LOXL2: variants seen among roughly 807,000 people sequenced by gnomAD.
LOXL2 encodes the protein lysyl oxidase like 2.
Under a neutral mutation model 93.0 loss-of-function variants are expected in LOXL2, and 70 were observed. That is an observed-to-expected ratio of 0.75 (90% CI 0.62 to 0.92). LOXL2 has a LOEUF of 0.92. LOXL2 is among the 40% of genes least tolerant of loss of function. LOXL2 has a pLI of 0.00. For missense variants in LOXL2, 973 were observed against 1,054.9 expected (o/e 0.92, Z 1.08); for synonymous variants, 438 against 413.2 (o/e 1.06, Z -0.73).
chr8:23,341,925 C>T (rs1231213112), intron 3 of LOXL2, among the ~76,000 whole-genome samples: 2 of 152,172 alleles, frequency 1.3e-5, no homozygotes, highest in African/African-American at 2.4e-5. Flanking sequence ...GGAAAGGAGA[C>T]ACAGCAAGGA....
At chr8:23,385,411 T>G (rs949607288) in intron 1 of LOXL2, among the ~76,000 whole-genome samples, 3 of 81,940 alleles carry the variant, frequency 3.7e-5, no homozygotes, top group Non-Finnish European at 7.2e-5. Flanking sequence ...CACACCCAGC[T>G]AATTTTTTTT....
At position 23,383,906 on chromosome 8, in the gene LOXL2, C is replaced by T. The variant is rs867782106; in HGVS notation, c.-83-15472G>A. ...CGATCTGCTGACCTCGTGATCCACC[C>T]GCCTCGGCCTCCCAAAGTGCTGGGA... On this transcript the variant is annotated intron_variant, in intron 1 of 13. Transcript: ENST00000389131. Among the ~76,000 whole-genome samples the T allele has an allele frequency of 1.4e-4, 21 of 152,080 alleles. No individual in the cohort carries two copies. The South Asian group carries it at 1.5e-3, about 11-fold the overall frequency.
intron 7 of LOXL2, 143 bp downstream of exon 7, chr8:23,321,987 T>C: frequency 1.1e-6 from 1 of 945,896 alleles, no homozygotes; most frequent in African/African-American, 1.6e-5. Context: ...GAGGGGGAAC[T>C]AAACATTGCA....
At chr8:23,377,457 C>T (rs13270783) in intron 1 of LOXL2, among the ~76,000 whole-genome samples, 23,098 of 114,190 alleles carry the variant, frequency 0.2, 2,643 homozygotes, top group East Asian at 0.34. Flanking sequence ...CTATTAGGTC[C>T]GCTTGGTGCA....
chr8:23,316,935 G>A lies in LOXL2; in HGVS notation c.1636+14C>T, dbSNP rs199878615. 92 of 1,573,982 alleles carry A rather than the reference G, an allele frequency of 5.8e-5. No individual in the cohort carries two copies. The Middle Eastern group carries it at 6.8e-4, about 12-fold the overall frequency. On this transcript the variant is annotated intron_variant, in intron 9 of 13. Coordinates refer to ENST00000389131, the MANE Select transcript of LOXL2 (RefSeq NM_002318.3). Reference sequence around the variant, plus strand: ...CTTGGGAGCCCGGTGGGGAGGGAGGGGAGGAGCTCTCACTTTCTGAGCAGG... The same window carrying A: ...CTTGGGAGCCCGGTGGGGAGGGAGGAGAGGAGCTCTCACTTTCTGAGCAGG...
At chr8:23,397,679 G>A (rs1800109184) in intron 1 of LOXL2, among the ~76,000 whole-genome samples, 1 of 151,670 alleles carries the variant, frequency 6.6e-6, no homozygotes, top group South Asian at 2.1e-4. Flanking sequence ...TCAGGAGGCT[G>A]AGGCAGGAGA....
chr8:23,297,371 C>A lies in LOXL2; in HGVS notation c.*672G>T, dbSNP rs1204093765. On this transcript the variant is annotated 3_prime_UTR_variant, in exon 14 of 14. Transcript: ENST00000389131. ...TTGGTTTTTCCTTAGATTTGTACTTCCAAGGGCCCAGATGTCCAATATTAA... is the reference window on the plus strand; with the variant it reads ...TTGGTTTTTCCTTAGATTTGTACTTACAAGGGCCCAGATGTCCAATATTAA... The A allele has an allele frequency of 6.6e-6, 1 of 152,182 alleles. No individual in the cohort carries two copies. Among genetic ancestry groups the A allele is most frequent in the Non-Finnish European group, 1.5e-5 (1 of 68,056 alleles). 9.4% of individuals were successfully genotyped at this position (152,182 alleles called of 1,614,324 possible). A position where few individuals can be genotyped will look rare whatever the true frequency, so the allele number is the denominator to read the frequency against.
At chr8:23,368,487 A>C (rs1804449180) in intron 1 of LOXL2, 53 bp from the exon 2 acceptor site, 2 of 704,266 alleles carry the variant, frequency 2.8e-6, no homozygotes, top group East Asian at 5.4e-5. Flanking sequence ...ACGGAGACCT[A>C]CATAGAGAAC....
At chr8:23,367,541 T>A (rs1315445273) in intron 2 of LOXL2, among the ~76,000 whole-genome samples, 1 of 151,842 alleles carries the variant, frequency 6.6e-6, no homozygotes, top group Non-Finnish European at 1.5e-5. Flanking sequence ...AGCTCCAGCA[T>A]GTGGGAGCCA....
At chr8:23,321,943 G>A (rs1410864310) in intron 7 of LOXL2, 187 bp downstream of exon 7, 1 of 621,492 alleles carries the variant, frequency 1.6e-6, no homozygotes, top group East Asian at 2.8e-5. Flanking sequence ...AGGGGCTTGG[G>A]CCTGCTGCCG....
intron 7 of LOXL2, among the ~76,000 whole-genome samples, chr8:23,321,324 G>A (rs1387665525): frequency 6.8e-6 from 1 of 147,072 alleles, no homozygotes; most frequent in African/African-American, 2.5e-5. Context: ...AGAGAGAAGG[G>A]TTTGACTGTT....
chr8:23,368,324 A>C lies in LOXL2; in HGVS notation c.28T>G (p.Cys10Gly). 1 of 1,612,696 alleles carries C rather than the reference A, an allele frequency of 6.2e-7. No individual in the cohort carries two copies. The highest frequency in any genetic ancestry group is 1.7e-5 in the Admixed American group (1 of 60,030). The change falls in exon 2 of 14, where the codon TGC becomes GGC. Residue 10 changes from cysteine to glycine, a missense_variant. Physicochemically the swap from Cys to Gly is radical, Grantham distance 159 (BLOSUM62 -3). Coordinates refer to ENST00000389131, the MANE Select transcript of LOXL2 (RefSeq NM_002318.3). The part of the protein sequence containing the change: MERPLCSHL[C>G]SCLAMLALLS... ...AGGGCCAGCATAGCCAGGCAGCTGC[A>C]GAGGTGGGAGCACAGAGGCCTCTCC...
At chr8:23,386,697 C>G (rs766518914) in intron 1 of LOXL2, among the ~76,000 whole-genome samples, 1 of 114,202 alleles carries the variant, frequency 8.8e-6, no homozygotes, top group Non-Finnish European at 2.2e-5. Flanking sequence ...CATTGACAGT[C>G]TAAGAAGCAT....
At chr8:23,300,638 G>C (rs1443616576) in intron 12 of LOXL2, among the ~76,000 whole-genome samples, 1 of 152,178 alleles carries the variant, frequency 6.6e-6, no homozygotes, top group Admixed American at 6.5e-5. Flanking sequence ...GAGTCCATTT[G>C]CTAATTGTAT....
At chr8:23,332,666 C>A (rs868502644) in intron 5 of LOXL2, among the ~76,000 whole-genome samples, 1 of 35,820 alleles carries the variant, frequency 2.8e-5, no homozygotes, top group African/African-American at 1.7e-4. Flanking sequence ...TACACCCCCC[C>A]ACACTCATAC....
At position 23,309,817 on chromosome 8, in the gene LOXL2, C is replaced by T. The variant is rs1037612747; in HGVS notation, c.1731G>A (p.Glu577=). 1.9e-6 allele frequency: 3 copies of T among 1,603,172 alleles called. No individual in the cohort carries two copies. Among genetic ancestry groups the T allele is most frequent in the South Asian group, 1.1e-5 (1 of 88,932 alleles). ...PMFMLQCAME[E]NCLSASAAQT... is the part of the protein sequence containing the mutation. ...GCGCGGCTGAGGCCGAGAGGCAGTTCTCCTCCATGGCACACTGCAGCATGA... is the reference window on the plus strand; with the variant it reads ...GCGCGGCTGAGGCCGAGAGGCAGTTTTCCTCCATGGCACACTGCAGCATGA... The change falls in exon 10 of 14, where the codon GAG becomes GAA. Residue 577 remains glutamate (E), a synonymous_variant. Coordinates refer to ENST00000389131, the MANE Select transcript of LOXL2 (RefSeq NM_002318.3).
At chr8:23,316,687 C>T in intron 9 of LOXL2, 1 of 488,610 alleles carries the variant, frequency 2.0e-6, no homozygotes, top group Non-Finnish European at 3.6e-6. Context: ...TGGGTCACTG[C>T]AGTAGCAGTG....
intron 5 of LOXL2, among the ~76,000 whole-genome samples, chr8:23,330,941 G>A (rs910962549): frequency 6.6e-6 from 1 of 152,062 alleles, no homozygotes; most frequent in African/African-American, 2.4e-5. Context: ...GAGGAGGCAG[G>A]GCCTCCTGAA....
chr8:23,382,048 C>T (rs1427963090), intron 1 of LOXL2, among the ~76,000 whole-genome samples: 1 of 152,202 alleles, frequency 6.6e-6, no homozygotes, highest in Non-Finnish European at 1.5e-5. Context: ...TGGAGACAGC[C>T]ACAGTGTCAT....
Sources: gnomAD v4.1 joint callset for allele counts (sites outside exome capture counted in the v4.1 genomes callset) on GRCh38, gnomAD v4.1.1 for gene constraint, MANE v1.5 for transcripts, NCBI Gene and HGNC (gene_info 2026-07-23, HGNC 2026-07-21) for gene names.